Variants in HEATR4 observed in about 807,000 individuals in gnomAD.
The protein encoded by HEATR4 is HEAT repeat-containing protein 4.
A neutral mutation model predicts 108.8 loss-of-function variants in HEATR4; 95 were observed. That is an observed-to-expected ratio of 0.87 (90% confidence interval 0.74 to 1.04). HEATR4 has a LOEUF of 1.04. HEATR4 is among the 50% of genes least tolerant of loss of function. The pLI is 0.00. For missense variants in HEATR4, 1,152 were observed against 1,253.8 expected (o/e 0.92, Z 1.23); for synonymous variants, 443 against 459.4 (o/e 0.96, Z 0.46).
At chr14:73,489,482 T>C (rs1885588387) in intron 17 of HEATR4, among the ~76,000 whole-genome samples, 1 of 152,174 alleles carries the variant, frequency 6.6e-6, no homozygotes, top group Non-Finnish European at 1.5e-5. Flanking sequence ...CTTGAAACAT[T>C]GTAAACCCTC....
the HEATR4 span, among the ~76,000 whole-genome samples, chr14:73,633,007 C>T: frequency 0.22 from 26,574 of 122,134 alleles, 4,150 homozygotes; most frequent in Non-Finnish European, 0.32. Context: ...CTCTCTCTCT[C>T]TTTTTTTTTT....
In HEATR4 at chr14:73,507,592, C is replaced by G. The variant is rs187745424; in HGVS notation, c.1881+542G>C. 4.6e-5 allele frequency among the ~76,000 whole-genome samples: 7 copies of G among 152,124 alleles called. No individual in the cohort carries two copies. In the East Asian group the frequency reaches 1.4e-3, roughly 29 times the overall value. On this transcript the variant is annotated intron_variant, in intron 9 of 17. Transcript: ENST00000553558. ...AGGATTACAGGCACATACCACCATG[C>G]CTGACTAATTTTATTTCTTTTTTTG...
At chr14:73,589,313 TTTC>T in the HEATR4 span, among the ~76,000 whole-genome samples, 7 of 139,192 alleles carry the variant, frequency 5.0e-5, no homozygotes, top group South Asian at 1.1e-3. Context: ...CCTTCCCTTT[TTTC>T]TTTTCTTTTT....
intron 2 of HEATR4, among the ~76,000 whole-genome samples, chr14:73,526,648 A>C (rs894099653): frequency 6.6e-6 from 1 of 152,226 alleles, no homozygotes; most frequent in African/African-American, 2.4e-5. Flanking sequence ...TCCTGATTCC[A>C]GGCCTTTGCT....
intron 2 of HEATR4, 22 bp from the exon 3 acceptor site, chr14:73,523,246 CT>C: frequency 1.6e-6 from 2 of 1,241,008 alleles, no homozygotes; most frequent in Non-Finnish European, 1.1e-6. Flanking sequence ...ATGGGAGGAA[CT>C]GATGAGAACT....
At chr14:73,555,968 G>A (rs531837681) in intron 1 of HEATR4, among the ~76,000 whole-genome samples, 5 of 113,100 alleles carry the variant, frequency 4.4e-5, no homozygotes, top group Admixed American at 3.0e-4. Flanking sequence ...TCGTGCCACC[G>A]CACTCCAGCC....
At chr14:73,508,909 C>T (rs539121492) in intron 8 of HEATR4, among the ~76,000 whole-genome samples, 49 of 151,922 alleles carry the variant, frequency 3.2e-4, no homozygotes, top group African/African-American at 1.1e-3. Flanking sequence ...ACAGTGGCAC[C>T]ATTGTGGCTT....
At chr14:73,612,676 C>T in the HEATR4 span, 1 of 1,411,052 alleles carries the variant, frequency 7.1e-7, no homozygotes, top group South Asian at 1.5e-5. Context: ...TCACGCTGCG[C>T]ACGTCCCTGC....
At chr14:73,578,946 G>A in the HEATR4 span, among the ~76,000 whole-genome samples, 20 of 151,844 alleles carry the variant, frequency 1.3e-4, no homozygotes, top group East Asian at 1.6e-3. Flanking sequence ...TTAGCAGGGC[G>A]TGATGGCGGG....
intron 3 of HEATR4, 37 bp downstream of exon 3, chr14:73,522,235 A>G (rs1888016378): frequency 3.8e-6 from 6 of 1,587,462 alleles, no homozygotes; most frequent in Non-Finnish European, 5.1e-6. Flanking sequence ...GGAGTCAGGG[A>G]TTATCAAAGG....
chr14:73,619,987 C>A, the HEATR4 span: 1 of 875,516 alleles, frequency 1.1e-6, no homozygotes, highest in Non-Finnish European at 1.6e-6. Context: ...TCTTGGCTCA[C>A]TGTAACCTCT....
chr14:73,531,600 G>T (rs1424181269), intron 1 of HEATR4, among the ~76,000 whole-genome samples: 1 of 108,370 alleles, frequency 9.2e-6, no homozygotes, highest in African/African-American at 3.0e-5. Flanking sequence ...GTAGAGATGG[G>T]GTTTCACCAT....
In HEATR4 at chr14:73,547,729, T is replaced by C. The variant is rs974609026; in HGVS notation, c.-152+11022A>G. Among the ~76,000 whole-genome samples, 3 of 112,958 alleles carry C rather than the reference T, an allele frequency of 2.7e-5. 1 individual carries two copies. The highest frequency in any genetic ancestry group is 5.8e-5 in the Non-Finnish European group (3 of 52,048). The allele number at this position is 112,958 out of a possible 152,430, so 74.1% of individuals were successfully genotyped here. A position where few individuals can be genotyped will look rare whatever the true frequency, so the allele number is the denominator to read the frequency against. On this transcript the variant is annotated intron_variant, in intron 1 of 17. Transcript: ENST00000553558. The stretch of plus-strand genomic sequence containing the variant: ...GTAAAACTCCATCTCTACCAAAAAA[T>C]ATAAAAATTTGCCAGGGGTGGTGGT...
chr14:73,479,040 G>C lies in HEATR4; in HGVS notation c.2845-198C>G, dbSNP rs563493140. Among the ~76,000 whole-genome samples, 15 of 152,170 alleles carry C rather than the reference G, an allele frequency of 9.9e-5. No homozygotes were observed. In the East Asian group the frequency reaches 2.7e-3, roughly 27 times the overall value. ...TGCAATCTCCGACTCCCGGGTTCAA[G>C]TGATTCTCTTGCCTCAGCCTCTGAA... is the stretch of plus-strand genomic sequence containing the variant. On this transcript the variant is annotated intron_variant, in intron 17 of 17. Transcript: ENST00000553558.
the HEATR4 span, among the ~76,000 whole-genome samples, chr14:73,620,109 G>A: frequency 3.9e-4 from 59 of 151,928 alleles, no homozygotes; most frequent in Non-Finnish European, 6.8e-4. Flanking sequence ...ACAAGGTTTC[G>A]CCATGTTGGC....
the HEATR4 span, among the ~76,000 whole-genome samples, chr14:73,603,742 T>A: frequency 6.9e-6 from 1 of 145,230 alleles, no homozygotes; most frequent in Non-Finnish European, 1.5e-5. Flanking sequence ...TTTTCTTTTC[T>A]TTTTTTTTTT....
chr14:73,486,074 A>C (rs763859806), intron 17 of HEATR4, among the ~76,000 whole-genome samples: 22 of 152,180 alleles, frequency 1.4e-4, no homozygotes, highest in Non-Finnish European at 2.5e-4. Context: ...CAAAGATATC[A>C]AAATTTTGTA....
chr14:73,540,666 C>T (rs1889045478), intron 1 of HEATR4, among the ~76,000 whole-genome samples: 2 of 119,254 alleles, frequency 1.7e-5, no homozygotes, highest in African/African-American at 5.8e-5. Context: ...GCACAGGGGT[C>T]TGTGGGACGT....
the HEATR4 span, among the ~76,000 whole-genome samples, chr14:73,593,118 T>G: frequency 2.0e-5 from 3 of 152,202 alleles, no homozygotes; most frequent in Non-Finnish European, 4.4e-5. Flanking sequence ...TCTCTAGTGT[T>G]CTAGGCACAC....
Sources: allele counts gnomAD v4.1 joint callset (sites outside exome capture counted in the v4.1 genomes callset), GRCh38; gene constraint gnomAD v4.1.1; transcripts MANE v1.5; gene names NCBI Gene and HGNC (gene_info 2026-07-23, HGNC 2026-07-21).